The following SPATS2L variants were observed in gnomAD, a reference collection of about 807,000 sequenced individuals.
SPATS2L encodes spermatogenesis associated serine rich 2 like.
In SPATS2L, 30 loss-of-function variants were observed where a neutral mutation model predicts 59.6. The observed-to-expected ratio is 0.50, with a 90% CI of 0.38 to 0.68. The LOEUF (loss-of-function observed/expected upper bound fraction) is 0.68, where lower values mean the gene tolerates loss of function less well. Among genes scored for constraint, SPATS2L ranks in the 30% least tolerant of loss-of-function variants. SPATS2L has a pLI of 0.00. For missense variants in SPATS2L, 615 were observed against 700.0 expected (o/e 0.88, Z 1.37); for synonymous variants, 252 against 263.5 (o/e 0.96, Z 0.42).
intron 3 of SPATS2L, among the ~76,000 whole-genome samples, chr2:200,410,197 G>C (rs2082828144): frequency 6.6e-6 from 1 of 152,056 alleles, no homozygotes; most frequent in African/African-American, 2.4e-5. Context: ...TGAACCCATA[G>C]TGGCTTGAAA....
intron 3 of SPATS2L, among the ~76,000 whole-genome samples, chr2:200,395,621 G>C (rs1396731995): frequency 6.6e-6 from 1 of 152,142 alleles, no homozygotes; most frequent in Admixed American, 6.5e-5. Context: ...AATAAATGTA[G>C]AGCTGCTTTA....
intron 2 of SPATS2L, among the ~76,000 whole-genome samples, chr2:200,354,720 C>T (rs2080856386): frequency 6.6e-6 from 1 of 152,190 alleles, no homozygotes; most frequent in Non-Finnish European, 1.5e-5. Flanking sequence ...ATTCTTATTC[C>T]TCTCCTTTCT....
chr2:200,348,537 T>C (rs558805652), intron 2 of SPATS2L, among the ~76,000 whole-genome samples: 159 of 152,298 alleles, frequency 1.0e-3, no homozygotes, highest in African/African-American at 3.8e-3. Context: ...CTTCCTGCAG[T>C]GGCCAGGGAC....
intron 2 of SPATS2L, chr2:200,351,159 C>A: frequency 2.2e-6 from 1 of 456,982 alleles, no homozygotes. Context: ...GAAAGCAGTG[C>A]GAACTCTGAG....
chr2:200,318,701 A>C (rs1256949313), intron 1 of SPATS2L, among the ~76,000 whole-genome samples: 1 of 152,196 alleles, frequency 6.6e-6, no homozygotes, highest in Non-Finnish European at 1.5e-5. Flanking sequence ...GATATTACTT[A>C]CATGTGTGTA....
At chr2:200,358,993 TA>T (rs5837733) in intron 2 of SPATS2L, among the ~76,000 whole-genome samples, 146,712 of 150,438 alleles carry the variant, frequency 0.98, 71,633 homozygotes, top group Middle Eastern at 1. Context: ...CCCTGACTCT[TA>T]AAAAAAAAAA....
intron 2 of SPATS2L, among the ~76,000 whole-genome samples, chr2:200,341,926 G>A (rs533224693): frequency 6.6e-6 from 1 of 151,994 alleles, no homozygotes; most frequent in South Asian, 2.1e-4. Flanking sequence ...TCCTGACCAC[G>A]ATCCGCCTAC....
intron 9 of SPATS2L, among the ~76,000 whole-genome samples, chr2:200,465,183 CA>C (rs1299165889): frequency 6.6e-6 from 1 of 152,130 alleles, no homozygotes; most frequent in Non-Finnish European, 1.5e-5. Flanking sequence ...CCAAATGGGG[CA>C]GGGGGAAACC....
chr2:200,460,555 C>CT (rs1399960929), intron 9 of SPATS2L, among the ~76,000 whole-genome samples: 1 of 151,938 alleles, frequency 6.6e-6, no homozygotes, highest in Non-Finnish European at 1.5e-5. Context: ...ACCATCCTGG[C>CT]TAACACGGTG....
At chr2:200,428,079 A>G (rs1196235258) in intron 6 of SPATS2L, among the ~76,000 whole-genome samples, 9 of 152,054 alleles carry the variant, frequency 5.9e-5, no homozygotes, top group Non-Finnish European at 1.2e-4. Flanking sequence ...AAAACAAAAA[A>G]AAAAAGGAGT....
At chr2:200,380,155 C>T (rs1027704932) in intron 2 of SPATS2L, among the ~76,000 whole-genome samples, 4 of 152,222 alleles carry the variant, frequency 2.6e-5, no homozygotes, top group Admixed American at 6.5e-5. Context: ...TCCCCCTGTG[C>T]TTGCACTGCC....
At chr2:200,392,515 C>G (rs2082203266) in intron 3 of SPATS2L, among the ~76,000 whole-genome samples, 1 of 152,134 alleles carries the variant, frequency 6.6e-6, no homozygotes, top group Non-Finnish European at 1.5e-5. Flanking sequence ...GTGAGCCACT[C>G]TAGCAAATTA....
rs555231673 is a variant in SPATS2L, at chr2:200,427,365, CT to C, written c.445+7877del. On this transcript the variant is annotated intron_variant, in intron 6 of 12. Transcript: ENST00000409140. ...ACCCACAAAAATTAAAAATTAAAAA[CT>C]TTTTTTTAATGCAATAAGAATTAAA... Among the ~76,000 whole-genome samples, 78 of 151,220 alleles carry C rather than the reference CT, an allele frequency of 5.2e-4. 1 individual carries two copies. Among genetic ancestry groups the C allele is most frequent in the African/African-American group, 1.7e-3 (72 of 41,334 alleles).
intron 2 of SPATS2L, among the ~76,000 whole-genome samples, chr2:200,343,268 A>G (rs1477122916): frequency 1.3e-5 from 2 of 152,248 alleles, no homozygotes; most frequent in Non-Finnish European, 2.9e-5. Flanking sequence ...ATCAGGTCCC[A>G]AAGAAAGAGC....
At chr2:200,370,972 C>A (rs1317307756) in intron 2 of SPATS2L, among the ~76,000 whole-genome samples, 1 of 152,068 alleles carries the variant, frequency 6.6e-6, no homozygotes, top group African/African-American at 2.4e-5. Context: ...TAAACACATG[C>A]ACTTAAGGTT....
At chr2:200,314,168 A>G (rs1232218995) in intron 1 of SPATS2L, among the ~76,000 whole-genome samples, 1 of 152,254 alleles carries the variant, frequency 6.6e-6, no homozygotes, top group Non-Finnish European at 1.5e-5. Flanking sequence ...CGACAAGTTC[A>G]AAACATCACT....
At chr2:200,413,143 T>G (rs534702197) in intron 4 of SPATS2L, among the ~76,000 whole-genome samples, 2 of 152,332 alleles carry the variant, frequency 1.3e-5, no homozygotes, top group African/African-American at 4.8e-5. Flanking sequence ...TGGAAAGTCT[T>G]CTCACTTCTC....
intron 1 of SPATS2L, among the ~76,000 whole-genome samples, chr2:200,311,339 C>G (rs1218328325): frequency 1.3e-5 from 2 of 152,094 alleles, no homozygotes; most frequent in Admixed American, 6.5e-5. Context: ...TGTGAGAATT[C>G]TGAGGACTCG....
chr2:200,390,430 G>A (rs527566560), intron 3 of SPATS2L: 74 of 152,508 alleles, frequency 4.9e-4, no homozygotes, highest in Non-Finnish European at 7.5e-4. Context: ...ACAGCAGGGC[G>A]GTGTGATGAA....
Sources: allele counts gnomAD v4.1 joint callset (sites outside exome capture counted in the v4.1 genomes callset), GRCh38; gene constraint gnomAD v4.1.1; transcripts MANE v1.5; gene names NCBI Gene and HGNC (gene_info 2026-07-23, HGNC 2026-07-21).